BRF1: variants seen among roughly 807,000 people sequenced by gnomAD.
BRF1 encodes the protein transcription factor IIIB 90 kDa subunit.
In BRF1, 59 loss-of-function variants were observed where a neutral mutation model predicts 81.7. The observed-to-expected ratio is 0.72, with a 90% CI of 0.59 to 0.90. BRF1 has a LOEUF of 0.90. BRF1 is among the 40% of genes least tolerant of loss of function. BRF1 has a pLI of 0.00. For synonymous variants in BRF1, 491 were observed against 395.6 expected (o/e 1.24, Z -2.86); for missense variants, 1,050 against 936.3 (o/e 1.12, Z -1.58).
intron 5 of BRF1, chr14:105,249,574 T>TCCCAGG: frequency 2.5e-6 from 4 of 1,586,498 alleles, no homozygotes; most frequent in Non-Finnish European, 3.4e-6. Context: ...TGGACTCCTC[T>TCCCAGG]CCCAGGCCCA....
At chr14:105,214,323 G>A (rs1167212205) in intron 15 of BRF1, among the ~76,000 whole-genome samples, 2 of 152,250 alleles carry the variant, frequency 1.3e-5, no homozygotes, top group Non-Finnish European at 2.9e-5. Context: ...GCATGGGCTA[G>A]AGGAAGACCC....
Position 105,243,852 on chromosome 14 carries a change from T to TG in BRF1, c.545-2439dup, listed in dbSNP as rs1325676716. On this transcript the variant is annotated intron_variant, in intron 5 of 17. Coordinates refer to ENST00000547530, the MANE Select transcript of BRF1 (RefSeq NM_001519.4). Reference sequence around the variant, plus strand: ...CTCTACTAAAGATACAAAAATTAGCTGGGGGTGGTGGTGTGCGCCTGTAGT... The same window carrying TG: ...CTCTACTAAAGATACAAAAATTAGCTGGGGGGTGGTGGTGTGCGCCTGTAGT... Among the ~76,000 whole-genome samples, 433 of 151,640 alleles carry TG rather than the reference T, an allele frequency of 2.9e-3. 7 individuals carry two copies. The highest frequency in any genetic ancestry group is 9.9e-3 in the African/African-American group (409 of 41,276).
intron 5 of BRF1, chr14:105,249,493 C>T (rs753336338): frequency 2.0e-6 from 2 of 1,019,028 alleles, no homozygotes; most frequent in Non-Finnish European, 1.5e-6. Context: ...GTCCACTCTA[C>T]TGGGGAGGGA....
intron 1 of BRF1, among the ~76,000 whole-genome samples, chr14:105,295,303 C>CAAAAA (rs869251134): frequency 1.1e-3 from 41 of 36,506 alleles, no homozygotes; most frequent in Middle Eastern, 0.012. Context: ...CACATCTCTA[C>CAAAAA]AAAAAAAAAA....
chr14:105,309,078 C>T lies in BRF1; in HGVS notation c.-162+6244G>A, dbSNP rs1340361899. ...GTTGAGTGTTGGTTGACACGTGTTG[C>T]GGTAATTGCTGTTCTGATGTCTGTG... On this transcript the variant is annotated intron_variant, in intron 1 of 17. Coordinates refer to the BRF1 transcript ENST00000327359. This position sits in a 1 kb window ranked among gnomAD's most constrained non-coding sequence, Gnocchi z 4.0. 2.6e-5 allele frequency among the ~76,000 whole-genome samples: 4 copies of T among 152,156 alleles called. No homozygotes were observed. The highest frequency in any genetic ancestry group is 1.5e-5 in the Non-Finnish European group (1 of 68,034).
In BRF1 at chr14:105,222,230, G is replaced by A. The variant is rs117585192; in HGVS notation, c.1049-316C>T. ...CTAAAAGCAGAATCCATAAAACACT[G>A]ATAAAACGGATTTCCAAAAAATTAA... On this transcript the variant is annotated intron_variant, in intron 10 of 17. Coordinates refer to ENST00000547530, the MANE Select transcript of BRF1 (RefSeq NM_001519.4). The A allele has an allele frequency of 4.1e-3, 1,154 of 279,238 alleles. 5 individuals carry two copies. Among genetic ancestry groups the A allele is most frequent in the Non-Finnish European group, 6.1e-3 (917 of 151,272 alleles). 17.3% of individuals were successfully genotyped at this position (279,238 alleles called of 1,614,324 possible). A position where few individuals can be genotyped will look rare whatever the true frequency, so the allele number is the denominator to read the frequency against.
At position 105,221,685 on chromosome 14, in the gene BRF1, G is replaced by A. The variant is rs749988603; in HGVS notation, c.1278C>T (p.Ser426=). ...TCTGAGAGGAGATGCATTCGCGGATGGAGTCTGAGATGCCCAGGCTGGCTG... is the reference window on the plus strand; with the variant it reads ...TCTGAGAGGAGATGCATTCGCGGATAGAGTCTGAGATGCCCAGGCTGGCTG... ...PTAASLGISD[S]IRECISSQSS... is the part of the protein sequence containing the mutation. Residue 426 remains serine, a synonymous_variant, in exon 11 of 18, where the codon TCC becomes TCT. Transcript: ENST00000547530. 1 of 1,611,722 alleles carries A rather than the reference G, an allele frequency of 6.2e-7. No individual in the cohort carries two copies. Among genetic ancestry groups the A allele is most frequent in the Non-Finnish European group, 8.5e-7 (1 of 1,179,916 alleles).
rs587691508 is a variant in BRF1, at chr14:105,241,489, G to T, written c.545-75C>A. On this transcript the variant is annotated intron_variant, in intron 5 of 17. Coordinates refer to ENST00000547530, the MANE Select transcript of BRF1 (RefSeq NM_001519.4). ...TGCACAGGCGGCCCACGCAGCCCAG[G>T]GGTGGGGCAACCTGCACTTGTCTTT... is the stretch of plus-strand genomic sequence containing the variant. 576 of 1,580,298 alleles carry T rather than the reference G, an allele frequency of 3.6e-4. 2 individuals carry two copies. The highest frequency in any genetic ancestry group is 3.1e-3 in the South Asian group (280 of 88,922).
intron 15 of BRF1, among the ~76,000 whole-genome samples, chr14:105,214,480 CT>C: frequency 4.2e-5 from 2 of 47,458 alleles, no homozygotes; most frequent in Middle Eastern, 7.9e-3. Flanking sequence ...CCCTGCGTGG[CT>C]CAGCTGCCCA....
chr14:105,263,458 A>G (rs1226587788), intron 3 of BRF1, among the ~76,000 whole-genome samples: 1 of 152,084 alleles, frequency 6.6e-6, no homozygotes, highest in Non-Finnish European at 1.5e-5. Context: ...GAGGCCCGCC[A>G]AGCCCAGAAG....
At chr14:105,280,768 ACGTGACCCT>A (rs2057044581) in intron 2 of BRF1, among the ~76,000 whole-genome samples, 1 of 78,458 alleles carries the variant, frequency 1.3e-5, no homozygotes, top group Non-Finnish European at 2.6e-5. Context: ...GATATAGCCC[ACGTGACCCT>A]GAGCCTGGGT....
chr14:105,215,682 CAT>C (rs1337371223), intron 15 of BRF1, among the ~76,000 whole-genome samples: 4 of 148,180 alleles, frequency 2.7e-5, no homozygotes, highest in East Asian at 2.0e-4. Flanking sequence ...CACACACACA[CAT>C]GCACACAAAT....
chr14:105,304,396 G>A (rs2140638523), upstream of BRF1, among the ~76,000 whole-genome samples: 1 of 152,314 alleles, frequency 6.6e-6, no homozygotes, highest in South Asian at 2.1e-4. Flanking sequence ...GCTGAGGCAG[G>A]AGAATTGCTT....
intron 12 of BRF1, 40 bp from the exon 13 acceptor site, chr14:105,219,272 C>T (rs371081308): frequency 9.4e-6 from 15 of 1,604,186 alleles, no homozygotes; most frequent in Middle Eastern, 1.7e-4. Flanking sequence ...TTTTAGCCTT[C>T]GCACACCGGG....
rs986526585 is a variant in BRF1, at chr14:105,300,710, G to A, written c.-81C>T. 2.7e-6 allele frequency: 3 copies of A among 1,113,310 alleles called. No individual in the cohort carries two copies. The highest frequency in any genetic ancestry group is 3.4e-6 in the Non-Finnish European group (3 of 884,686). The allele number at this position is 1,113,310 out of a possible 1,614,324, so 69.0% of individuals were successfully genotyped here. ...GCCTCCGGAGCAGCCCGCGCCGCCC[G>A]CCCAGGCCCAGCCGCCCAGGCCTCG... is the stretch of plus-strand genomic sequence containing the variant. On this transcript the variant is annotated 5_prime_UTR_variant, in exon 1 of 18. Transcript: ENST00000547530.
intron 3 of BRF1, among the ~76,000 whole-genome samples, chr14:105,272,284 C>T (rs956197215): frequency 1.3e-5 from 2 of 152,150 alleles, no homozygotes; most frequent in Non-Finnish European, 2.9e-5. Flanking sequence ...CCCCACCCAT[C>T]GCCCACAGTC....
At chr14:105,277,561 T>C (rs2816634) in intron 2 of BRF1, among the ~76,000 whole-genome samples, 867 of 71,346 alleles carry the variant, frequency 0.012, 23 homozygotes, top group Middle Eastern at 0.043. Flanking sequence ...GAGAAGGAGC[T>C]GAGAGGCGGC....
chr14:105,241,678 G>T, intron 5 of BRF1: 1 of 531,296 alleles, frequency 1.9e-6, no homozygotes, highest in Non-Finnish European at 3.4e-6. Flanking sequence ...CTACTGCATG[G>T]CCGCCCTGCT....
chr14:105,221,552 C>G, intron 11 of BRF1, 96 bp downstream of exon 11: 2 of 1,492,052 alleles, frequency 1.3e-6, no homozygotes, highest in South Asian at 1.3e-5. Flanking sequence ...CACCTCCCGA[C>G]AGAGGATGGC....
Sources: gnomAD v4.1 joint callset for allele counts (sites outside exome capture counted in the v4.1 genomes callset) on GRCh38, gnomAD v4.1.1 for gene constraint, Gnocchi (gnomAD v3.1) non-coding constraint, MANE v1.5 for transcripts, NCBI Gene and HGNC (gene_info 2026-07-23, HGNC 2026-07-21) for gene names.